Variants in BCAS3 observed in about 807,000 individuals in gnomAD.
BCAS3 encodes BCAS3 microtubule associated cell migration factor, also known as BCAS4/BCAS3 fusion.
Under a neutral mutation model 116.1 loss-of-function variants are expected in BCAS3, and 53 were observed. The observed-to-expected ratio is 0.46, with a 90% confidence interval of 0.37 to 0.57. The LOEUF (loss-of-function observed/expected upper bound fraction) is 0.57. BCAS3 is among the 20% of genes least tolerant of loss of function. The pLI is 0.00. For missense variants in BCAS3, 917 were observed against 1,165.4 expected (o/e 0.79, Z 3.10); for synonymous variants, 391 against 408.2 (o/e 0.96, Z 0.51).
In BCAS3 at chr17:61,215,987, TC is replaced by T. The variant is rs1311632129; in HGVS notation, c.2425+131426del. 1.3e-5 allele frequency among the ~76,000 whole-genome samples: 2 copies of T among 152,222 alleles called. No homozygotes were observed. The highest frequency in any genetic ancestry group is 2.9e-5 in the Non-Finnish European group (2 of 68,040). ...TTCAAATATATATTTTGGTTGGTTC[TC>T]CCAGTAGTAGATCGCTGATATTTCA... On this transcript the variant is annotated intron_variant, in intron 22 of 23. Coordinates refer to ENST00000407086, the MANE Select transcript of BCAS3 (RefSeq NM_017679.5). This position sits in a 1 kb window ranked among gnomAD's most constrained non-coding sequence, Gnocchi z 4.8.
chr17:60,874,614 TCA>T, intron 8 of BCAS3, 46 bp from the exon 9 acceptor site: 2 of 1,354,868 alleles, frequency 1.5e-6, no homozygotes, highest in Non-Finnish European at 2.1e-6. Context: ...TTACAGAATT[TCA>T]CATTCACTTT....
chr17:60,759,392 G>A (rs1178825095), intron 6 of BCAS3, among the ~76,000 whole-genome samples: 1 of 152,172 alleles, frequency 6.6e-6, no homozygotes, highest in African/African-American at 2.4e-5. Context: ...GGTCTGTTGG[G>A]TCTGAAGTCC....
At chr17:61,384,513 T>A (rs2143643191) in intron 23 of BCAS3, 2 of 152,344 alleles carry the variant, frequency 1.3e-5, no homozygotes, top group African/African-American at 4.8e-5. Flanking sequence ...GGCACATCTG[T>A]GACAGAACTG....
At chr17:61,005,670 G>A (rs2064625194) in intron 15 of BCAS3, among the ~76,000 whole-genome samples, 1 of 151,852 alleles carries the variant, frequency 6.6e-6, no homozygotes, top group Non-Finnish European at 1.5e-5. Context: ...CGGGAGAATA[G>A]GGGACTGTGA....
rs569572438 is a variant in BCAS3, at chr17:61,277,892, G to T, written c.2426-90435G>T. 1.1e-4 allele frequency among the ~76,000 whole-genome samples: 16 copies of T among 152,320 alleles called. 1 individual carries two copies. The South Asian group carries it at 2.7e-3, about 26-fold the overall frequency. Reference sequence around the variant, plus strand: ...AAGTTGTAACCCTCATACACTGCTGGCAGGAATGTAAAATGGTGCAGCTCC... The same window carrying T: ...AAGTTGTAACCCTCATACACTGCTGTCAGGAATGTAAAATGGTGCAGCTCC... On this transcript the variant is annotated intron_variant, in intron 22 of 23. Transcript: ENST00000407086.
In BCAS3 at chr17:61,059,836, G is replaced by C. The variant is rs541380626; in HGVS notation, c.2030-15084G>C. On this transcript the variant is annotated intron_variant, in intron 19 of 23. Transcript: ENST00000407086. Reference sequence around the variant, plus strand: ...AGTCCAGGAGTTCTAGACCAGCCTGGCCAACATGGTGAAACCCTGTCTCTA... The same window carrying C: ...AGTCCAGGAGTTCTAGACCAGCCTGCCCAACATGGTGAAACCCTGTCTCTA... Among the ~76,000 whole-genome samples the C allele has an allele frequency of 3.3e-5, 5 of 152,196 alleles. No homozygotes were observed. The South Asian group carries it at 1.0e-3, about 32-fold the overall frequency.
chr17:61,353,588 G>A (rs190331483), intron 22 of BCAS3: 1 of 152,464 alleles, frequency 6.6e-6, no homozygotes, highest in East Asian at 1.9e-4. Flanking sequence ...TCCTCTCTAG[G>A]GGTGTTGTGA....
chr17:61,071,475 T>C (rs1251295200), intron 19 of BCAS3, among the ~76,000 whole-genome samples: 1 of 152,218 alleles, frequency 6.6e-6, no homozygotes, highest in Non-Finnish European at 1.5e-5. Context: ...AGGGATCTTG[T>C]TGAAATGCAG....
intron 22 of BCAS3, among the ~76,000 whole-genome samples, chr17:61,298,976 C>T (rs1405706231): frequency 6.6e-6 from 1 of 151,900 alleles, no homozygotes; most frequent in African/African-American, 2.4e-5. Flanking sequence ...GCACCCTGCA[C>T]CATACCCGGC....
At position 60,771,932 on chromosome 17, in the gene BCAS3, C is replaced by T. The variant is rs184927579; in HGVS notation, c.403+24653C>T. Among the ~76,000 whole-genome samples, 54 of 152,256 alleles carry T rather than the reference C, an allele frequency of 3.5e-4. No homozygotes were observed. In the East Asian group the frequency reaches 7.7e-3, roughly 22 times the overall value. On this transcript the variant is annotated intron_variant, in intron 6 of 23. Transcript: ENST00000407086. ...AGTATTCCATGGTATATATGTGCCA[C>T]GTTTTCTTAATCCAGTCTATCATTG...
At chr17:61,143,654 C>T (rs1203578070) in intron 22 of BCAS3, among the ~76,000 whole-genome samples, 2 of 151,858 alleles carry the variant, frequency 1.3e-5, no homozygotes, top group Admixed American at 6.6e-5. Context: ...ACTAAAAGTA[C>T]AAAAATTAGC....
intron 13 of BCAS3, among the ~76,000 whole-genome samples, chr17:60,938,477 C>T (rs2060052230): frequency 6.6e-6 from 1 of 152,042 alleles, no homozygotes; most frequent in Admixed American, 6.6e-5. Flanking sequence ...AAAAATAAAT[C>T]TTTACTAACA....
chr17:60,698,052 G>A lies in BCAS3; in HGVS notation c.214+8291G>A, dbSNP rs1422786065. On this transcript the variant is annotated intron_variant, in intron 4 of 23. Transcript: ENST00000407086. ...AAATTAGCCAGGCGTGGTGACGGGCGCCTGTAGTCCCAGCTACTCGGGAGG... is the reference window on the plus strand; with the variant it reads ...AAATTAGCCAGGCGTGGTGACGGGCACCTGTAGTCCCAGCTACTCGGGAGG... 3.9e-5 allele frequency among the ~76,000 whole-genome samples: 6 copies of A among 151,920 alleles called. No individual in the cohort carries two copies. In the South Asian group the frequency reaches 8.3e-4, roughly 21 times the overall value.
chr17:61,147,079 T>C (rs1439471505), intron 22 of BCAS3, among the ~76,000 whole-genome samples: 1 of 150,748 alleles, frequency 6.6e-6, no homozygotes, highest in African/African-American at 2.4e-5. Context: ...CATGCCTGGC[T>C]AATTTTTTTT....
Position 61,015,635 on chromosome 17 carries a change from A to G in BCAS3, c.1487-116A>G, listed in dbSNP as rs2065403231. ...TTGTAATTCTCTTGGCATCAATTCTACCTTTGATGCCTTTCTTAAATGATT... is the reference window on the plus strand; with the variant it reads ...TTGTAATTCTCTTGGCATCAATTCTGCCTTTGATGCCTTTCTTAAATGATT... On this transcript the variant is annotated intron_variant, in intron 15 of 23. Transcript: ENST00000407086. 4.8e-6 allele frequency: 5 copies of G among 1,034,518 alleles called. No homozygotes were observed. In the African/African-American group the frequency reaches 6.4e-5, roughly 13 times the overall value. 64.1% of individuals were successfully genotyped at this position (1,034,518 alleles called of 1,614,324 possible).
Position 61,251,427 on chromosome 17 carries a change from G to A in BCAS3, c.2426-116900G>A, listed in dbSNP as rs532094205. ...CTACTAAAAATACAAAAAATTAGCC[G>A]GGCCTGGTGGCGGGCGCCTATAATC... On this transcript the variant is annotated intron_variant, in intron 22 of 23. Transcript: ENST00000407086. This position sits in a 1 kb window ranked among gnomAD's most constrained non-coding sequence, Gnocchi z 4.7. Among the ~76,000 whole-genome samples the A allele has an allele frequency of 2.2e-4, 33 of 152,140 alleles. No homozygotes were observed. The South Asian group carries it at 2.5e-3, about 11-fold the overall frequency.
At chr17:61,237,041 T>C (rs1310695412) in intron 22 of BCAS3, among the ~76,000 whole-genome samples, 1 of 152,206 alleles carries the variant, frequency 6.6e-6, no homozygotes, top group Non-Finnish European at 1.5e-5. Flanking sequence ...AAAAGTTATC[T>C]TTTTTACATA....
intron 19 of BCAS3, among the ~76,000 whole-genome samples, chr17:61,044,465 A>AAAAAAATATATATATAT: frequency 1.6e-4 from 19 of 120,114 alleles, no homozygotes; most frequent in African/African-American, 9.0e-4. Context: ...AAAAAAAAAA[A>AAAAAAATATATATATAT]ATATATATAT....
chr17:61,115,984 C>T (rs949827096), intron 22 of BCAS3, among the ~76,000 whole-genome samples: 2 of 150,214 alleles, frequency 1.3e-5, no homozygotes, highest in East Asian at 2.0e-4. Context: ...AGTAAACTAT[C>T]GCAAGAACAA....
Sources: gnomAD v4.1 joint callset for allele counts (sites outside exome capture counted in the v4.1 genomes callset) on GRCh38, gnomAD v4.1.1 for gene constraint, Gnocchi (gnomAD v3.1) non-coding constraint, MANE v1.5 for transcripts, NCBI Gene and HGNC (gene_info 2026-07-23, HGNC 2026-07-21) for gene names.